RICTOR: variants seen among roughly 807,000 people sequenced by gnomAD.
RICTOR encodes the protein RPTOR independent companion of MTOR complex 2.
RICTOR carries 49 observed loss-of-function variants against 214.9 expected under a neutral mutation model. That is an observed-to-expected ratio of 0.23 (90% CI 0.18 to 0.29). The LOEUF is 0.29. Ranked by LOEUF, RICTOR falls within the 10% of genes least tolerant of loss-of-function variation. The probability of loss-of-function intolerance (pLI) is 1.00; values close to 1 mark genes in which losing one functional copy is unlikely to be tolerated. For synonymous variants in RICTOR, 717 were observed against 711.3 expected, an observed-to-expected ratio of 1.01 and a Z score of -0.13; for missense variants, 1,625 against 2,047.0, an observed-to-expected ratio of 0.79 and a Z score of 3.98.
intron 3 of RICTOR, among the ~76,000 whole-genome samples, chr5:39,015,139 A>T (rs776199144): frequency 7.2e-5 from 11 of 152,186 alleles, no homozygotes; most frequent in Non-Finnish European, 1.6e-4. Context: ...TTTAGTAGGC[A>T]TATCTATCAA....
At chr5:38,953,433 A>C (rs771405618) in intron 28 of RICTOR, 28 bp downstream of exon 28, 1 of 1,002,784 alleles carries the variant, frequency 1.0e-6, no homozygotes, top group Non-Finnish European at 1.5e-6. Context: ...AAAATTGCGA[A>C]GATCTTACAG....
chr5:38,998,609 T>A (rs1753352280), intron 5 of RICTOR, among the ~76,000 whole-genome samples: 1 of 152,114 alleles, frequency 6.6e-6, no homozygotes, highest in Non-Finnish European at 1.5e-5. Context: ...AGAACACAGG[T>A]GATTCACATA....
chr5:38,993,528 G>C (rs1290162962), intron 6 of RICTOR, among the ~76,000 whole-genome samples: 1 of 152,010 alleles, frequency 6.6e-6, no homozygotes, highest in Non-Finnish European at 1.5e-5. Context: ...AAATGAATGA[G>C]ATGGGTAAAA....
intron 5 of RICTOR, among the ~76,000 whole-genome samples, chr5:39,001,708 T>C (rs1014500086): frequency 6.6e-6 from 1 of 151,932 alleles, no homozygotes; most frequent in African/African-American, 2.4e-5. Flanking sequence ...TAATCCAATT[T>C]ACAAATGAGC....
intron 7 of RICTOR, among the ~76,000 whole-genome samples, chr5:38,987,733 C>T (rs1227047318): frequency 6.6e-6 from 1 of 151,708 alleles, no homozygotes; most frequent in African/African-American, 2.4e-5. Context: ...TCAGTTATTT[C>T]TTGTCTTCTG....
intron 3 of RICTOR, among the ~76,000 whole-genome samples, chr5:39,017,947 C>T (rs964578311): frequency 7.9e-5 from 12 of 151,868 alleles, no homozygotes; most frequent in Admixed American, 1.3e-4. Flanking sequence ...AGCTTCAAGG[C>T]GATACCAATA....
At chr5:39,015,734 G>A (rs1754893776) in intron 3 of RICTOR, among the ~76,000 whole-genome samples, 1 of 151,916 alleles carries the variant, frequency 6.6e-6, no homozygotes, top group African/African-American at 2.4e-5. Context: ...CTTACAGTCA[G>A]CTAAAAAACT....
chr5:39,045,415 C>A (rs549634383), intron 2 of RICTOR, among the ~76,000 whole-genome samples: 5 of 152,092 alleles, frequency 3.3e-5, no homozygotes, highest in African/African-American at 1.2e-4. Flanking sequence ...TAACTAAAAG[C>A]AATTATTAAA....
chr5:38,968,668 T>C (rs533906821), intron 11 of RICTOR, among the ~76,000 whole-genome samples: 1 of 151,118 alleles, frequency 6.6e-6, no homozygotes, highest in South Asian at 2.1e-4. Context: ...AGTCGAGGAG[T>C]TCGAGGATGC....
In RICTOR at chr5:39,074,254, C is replaced by A. The variant is rs1047583866; in HGVS notation, c.49+75G>T. 6 of 1,583,654 alleles carry A rather than the reference C, an allele frequency of 3.8e-6. No individual in the cohort carries two copies. The African/African-American group carries it at 8.2e-5, about 22-fold the overall frequency. On this transcript the variant is annotated intron_variant, in intron 1 of 37. Coordinates refer to ENST00000357387, the MANE Select transcript of RICTOR (RefSeq NM_152756.5). ...CCAGCGCCCCGGCTCGCTCCCCAACCCAGGGCCAGGGGAAGGCAAGTGCCA... is the reference window on the plus strand; with the variant it reads ...CCAGCGCCCCGGCTCGCTCCCCAACACAGGGCCAGGGGAAGGCAAGTGCCA...
intron 19 of RICTOR, among the ~76,000 whole-genome samples, chr5:38,960,842 T>C (rs950850775): frequency 2.0e-5 from 3 of 152,066 alleles, no homozygotes; most frequent in Non-Finnish European, 4.4e-5. Flanking sequence ...AGTTCTCACA[T>C]CTGATGGTTT....
chr5:38,994,576 C>A (rs765640935), intron 6 of RICTOR, among the ~76,000 whole-genome samples: 2 of 152,068 alleles, frequency 1.3e-5, no homozygotes, highest in Non-Finnish European at 2.9e-5. Flanking sequence ...AAGCCCTGTG[C>A]CACAATTCTA....
chr5:39,051,054 C>CACACACACACACACACGCACCT (rs1757806713), intron 2 of RICTOR, among the ~76,000 whole-genome samples: 4 of 124,700 alleles, frequency 3.2e-5, no homozygotes, highest in Admixed American at 2.3e-4. Context: ...CACACACACA[C>CACACACACACACACACGCACCT]ACACACACAC....
intron 6 of RICTOR, among the ~76,000 whole-genome samples, chr5:38,995,064 T>C (rs556446216): frequency 6.6e-6 from 1 of 152,210 alleles, no homozygotes; most frequent in Admixed American, 6.5e-5. Flanking sequence ...GATAATCCAA[T>C]TGACTCGTTT....
Position 38,950,468 on chromosome 5 carries a change from C to G in RICTOR, c.3380G>C (p.Ser1127Thr). 6.2e-7 allele frequency: 1 copy of G among 1,613,494 alleles called. No individual in the cohort carries two copies. The highest frequency in any genetic ancestry group is 8.5e-7 in the Non-Finnish European group (1 of 1,179,634). Reference sequence around the variant, plus strand: ...CGTAAGTGTTCTGATTCGCCTGTTGCTTGTCTTACTTTCAGATGATAATTT... The same window carrying G: ...CGTAAGTGTTCTGATTCGCCTGTTGGTTGTCTTACTTTCAGATGATAATTT... ...GGKLSSESKT[S>T]NRRIRTLTEP... Residue 1127 changes from serine to threonine, a missense_variant, in exon 31 of 38, where the codon AGC (serine) becomes ACC (threonine). By Grantham distance (58) the Ser-to-Thr change is moderately conservative. Transcript: ENST00000357387.
intron 2 of RICTOR, among the ~76,000 whole-genome samples, chr5:39,072,740 C>T (rs1759407911): frequency 6.6e-6 from 1 of 152,000 alleles, no homozygotes; most frequent in Admixed American, 6.6e-5. Context: ...CAAAACCGAT[C>T]TGCTGAAAAA....
chr5:39,049,292 G>GA (rs368731007), intron 2 of RICTOR, among the ~76,000 whole-genome samples: 4,996 of 147,384 alleles, frequency 0.034, 138 homozygotes, highest in South Asian at 0.084. Flanking sequence ...ACAGAAACAA[G>GA]AAAAAAAAAG....
At chr5:39,035,651 C>T (rs1324853243) in intron 2 of RICTOR, among the ~76,000 whole-genome samples, 4 of 152,140 alleles carry the variant, frequency 2.6e-5, no homozygotes, top group South Asian at 2.1e-4. Flanking sequence ...CTGAAAACCA[C>T]GGCACGAGAA....
chr5:38,960,066 T>A, intron 20 of RICTOR, 88 bp from the exon 21 acceptor site: 1 of 927,780 alleles, frequency 1.1e-6, no homozygotes, highest in Non-Finnish European at 1.7e-6. Context: ...AAAAACTTAC[T>A]AATAATGATG....
Sources: gnomAD v4.1 joint callset for allele counts (sites outside exome capture counted in the v4.1 genomes callset) on GRCh38, gnomAD v4.1.1 for gene constraint, MANE v1.5 for transcripts, NCBI Gene and HGNC (gene_info 2026-07-23, HGNC 2026-07-21) for gene names.